Variants in LRRFIP2 observed in about 807,000 individuals in gnomAD.
LRRFIP2 encodes the protein LRR binding FLII interacting protein 2.
Under a neutral mutation model 125.9 loss-of-function variants are expected in LRRFIP2, and 109 were observed. That is an observed-to-expected ratio of 0.87 (90% CI 0.74 to 1.01). The LOEUF (loss-of-function observed/expected upper bound fraction) is 1.01. LRRFIP2 is among the 50% of genes least tolerant of loss of function. LRRFIP2 has a pLI of 0.00. For synonymous variants in LRRFIP2, 291 were observed against 293.1 expected, an observed-to-expected ratio of 0.99 and a Z score of 0.07; for missense variants, 850 against 862.3, an observed-to-expected ratio of 0.99 and a Z score of 0.18.
At chr3:37,149,475 C>T (rs1199324580) in intron 1 of LRRFIP2, among the ~76,000 whole-genome samples, 10 of 151,884 alleles carry the variant, frequency 6.6e-5, no homozygotes, top group African/African-American at 2.4e-4. Context: ...CAAGATTGCG[C>T]CACAGCACTC....
chr3:37,081,119 A>G (rs1298315388), intron 19 of LRRFIP2, among the ~76,000 whole-genome samples: 1 of 152,228 alleles, frequency 6.6e-6, no homozygotes, highest in Non-Finnish European at 1.5e-5. Flanking sequence ...ACAGCCAGGC[A>G]TGGTAGCATG....
chr3:37,056,554 C>T (rs962851000), intron 25 of LRRFIP2, among the ~76,000 whole-genome samples: 5 of 151,878 alleles, frequency 3.3e-5, no homozygotes, highest in Middle Eastern at 3.4e-3. Flanking sequence ...CCCAGGTTCA[C>T]GCCATTCTCC....
At chr3:37,174,026 G>T (rs762310342) in intron 1 of LRRFIP2, 77 of 152,118 alleles carry the variant, frequency 5.1e-4, no homozygotes, top group Non-Finnish European at 9.4e-4. Flanking sequence ...AAACTCTTAA[G>T]TCACTATTTA....
At chr3:37,103,053 GA>G in intron 14 of LRRFIP2, 40 bp from the exon 15 acceptor site, 1 of 1,449,992 alleles carries the variant, frequency 6.9e-7, no homozygotes, top group South Asian at 1.3e-5. Flanking sequence ...TCAAGGTTAA[GA>G]AAAAAGAAAG....
chr3:37,152,872 T>C (rs1428393619), intron 1 of LRRFIP2, among the ~76,000 whole-genome samples: 1 of 152,218 alleles, frequency 6.6e-6, no homozygotes. Flanking sequence ...TATCATCCAA[T>C]ATTTGTCCAT....
At chr3:37,142,942 G>C (rs1014783168) in intron 2 of LRRFIP2, among the ~76,000 whole-genome samples, 2 of 152,176 alleles carry the variant, frequency 1.3e-5, no homozygotes, top group African/African-American at 4.8e-5. Context: ...GTGAGGCCTG[G>C]TGGGAGGTAT....
intron 1 of LRRFIP2, chr3:37,154,718 T>C (rs1412302541): frequency 2.0e-5 from 3 of 152,246 alleles, no homozygotes; most frequent in Non-Finnish European, 4.4e-5. Flanking sequence ...TCTCATATAA[T>C]ATACGTCTGA....
upstream of LRRFIP2, chr3:37,175,189 T>A (rs1447025754): frequency 6.6e-6 from 1 of 152,358 alleles, no homozygotes; most frequent in African/African-American, 2.4e-5. Flanking sequence ...CTTGTTTCAT[T>A]ACTACATCCA....
chr3:37,065,809 C>T lies in LRRFIP2; in HGVS notation c.1699+1G>A. The stretch of plus-strand genomic sequence containing the variant: ...AGTCAACATAGCAACCAGTATCTTA[C>T]CTAATGGCCCTTCTCCTGCTGACTC... On this transcript the variant is annotated splice_donor_variant, in intron 23 of 27. Coordinates refer to ENST00000336686, the MANE Select transcript of LRRFIP2 (RefSeq NM_006309.4). LOFTEE classifies it high-confidence loss of function. The T allele has an allele frequency of 6.2e-7, 1 of 1,614,164 alleles. No individual in the cohort carries two copies.
rs925972586 is a variant in LRRFIP2, at chr3:37,103,068, A to T, written c.784-55T>A. 14 of 1,396,714 alleles carry T rather than the reference A, an allele frequency of 1.0e-5. No homozygotes were observed. In the African/African-American group the frequency reaches 1.8e-4, roughly 18 times the overall value. The allele number at this position is 1,396,714 out of a possible 1,614,324, so 86.5% of individuals were successfully genotyped here. ...TCAAGGTTAAGAAAAAAGAAAGAAA[A>T]AAATAAGAACATTGGCCAATTAGGG... On this transcript the variant is annotated intron_variant, in intron 14 of 27. Coordinates refer to ENST00000336686, the MANE Select transcript of LRRFIP2 (RefSeq NM_006309.4).
intron 1 of LRRFIP2, among the ~76,000 whole-genome samples, chr3:37,151,795 G>A (rs564831652): frequency 8.6e-5 from 13 of 152,044 alleles, no homozygotes; most frequent in African/African-American, 2.4e-4. Flanking sequence ...ACGGGGTTTC[G>A]CCATGTTGGC....
chr3:37,146,117 G>GT (rs2095851087), intron 2 of LRRFIP2, among the ~76,000 whole-genome samples: 2 of 152,126 alleles, frequency 1.3e-5, no homozygotes, highest in Admixed American at 6.5e-5. Context: ...CTAGAAGGTG[G>GT]TGGCATTTTC....
intron 17 of LRRFIP2, among the ~76,000 whole-genome samples, chr3:37,094,348 C>A (rs946571945): frequency 1.3e-5 from 2 of 152,052 alleles, no homozygotes; most frequent in African/African-American, 4.8e-5. Context: ...TTTCTGTTAC[C>A]CAAATATTAT....
intron 21 of LRRFIP2, among the ~76,000 whole-genome samples, chr3:37,070,279 A>C (rs1398731521): frequency 2.6e-5 from 4 of 151,644 alleles, no homozygotes; most frequent in Non-Finnish European, 4.4e-5. Context: ...ATGCCTGGCT[A>C]ATTTTTGTAT....
chr3:37,053,580 G>T lies in LRRFIP2; in HGVS notation c.*271C>A. 1 of 364,444 alleles carries T rather than the reference G, an allele frequency of 2.7e-6. No individual in the cohort carries two copies. Among genetic ancestry groups the T allele is most frequent in the Non-Finnish European group, 5.1e-6 (1 of 196,846 alleles). The allele number at this position is 364,444 out of a possible 1,614,324, so 22.6% of individuals were successfully genotyped here. A position where few individuals can be genotyped will look rare whatever the true frequency, so the allele number is the denominator to read the frequency against. On this transcript the variant is annotated 3_prime_UTR_variant, in exon 28 of 28. Coordinates refer to ENST00000336686, the MANE Select transcript of LRRFIP2 (RefSeq NM_006309.4). ...GTTACTGAGGCAGCTGGGGAAAAAC[G>T]TTGAGTAAACATGATTCTACAATTA... is the stretch of plus-strand genomic sequence containing the variant.
chr3:37,172,578 A>T (rs1462446070), intron 1 of LRRFIP2, among the ~76,000 whole-genome samples: 2 of 152,186 alleles, frequency 1.3e-5, no homozygotes, highest in African/African-American at 4.8e-5. Context: ...TCCCATAAAC[A>T]TCTACTGAAC....
At chr3:37,104,024 A>G (rs971827988) in intron 14 of LRRFIP2, among the ~76,000 whole-genome samples, 3 of 152,102 alleles carry the variant, frequency 2.0e-5, no homozygotes, top group Non-Finnish European at 2.9e-5. Flanking sequence ...CTTCTCAAGG[A>G]AGGGAATTCA....
chr3:37,092,920 C>G (rs1342084798), intron 17 of LRRFIP2, among the ~76,000 whole-genome samples: 1 of 152,076 alleles, frequency 6.6e-6, no homozygotes, highest in Non-Finnish European at 1.5e-5. Context: ...CTCACTGCAA[C>G]CTCTGCCTCC....
chr3:37,110,033 C>T (rs1005292334), intron 9 of LRRFIP2, among the ~76,000 whole-genome samples: 1 of 151,822 alleles, frequency 6.6e-6, no homozygotes, highest in Non-Finnish European at 1.5e-5. Flanking sequence ...GGTCATGGTA[C>T]CGGGAGTGTG....
Sources: gnomAD v4.1 joint callset for allele counts (sites outside exome capture counted in the v4.1 genomes callset) on GRCh38, gnomAD v4.1.1 for gene constraint, MANE v1.5 for transcripts, NCBI Gene and HGNC (gene_info 2026-07-23, HGNC 2026-07-21) for gene names.